Variants in PCDHGA2 observed in about 807,000 individuals in gnomAD.
PCDHGA2 encodes protocadherin gamma subfamily A, 2, also known as protocadherin gamma-A2.
In PCDHGA2, 40 loss-of-function variants were observed where a neutral mutation model predicts 59.2. That is an observed-to-expected ratio of 0.68 (90% CI 0.52 to 0.88). The LOEUF is 0.88. PCDHGA2 is among the 40% of genes least tolerant of loss of function. The probability of loss-of-function intolerance (pLI) is 0.00; values close to 1 mark genes in which losing one functional copy is unlikely to be tolerated. For missense variants in PCDHGA2, 1,226 were observed against 1,204.0 expected (o/e 1.02, Z -0.27); for synonymous variants, 560 against 526.0 (o/e 1.06, Z -0.89).
chr5:141,393,120 C>T lies in PCDHGA2; in HGVS notation c.2424+51725C>T, dbSNP rs142751758. The T allele has an allele frequency of 9.0e-3, 14,600 of 1,613,382 alleles. 101 individuals carry two copies. The highest frequency in any genetic ancestry group is 0.01 in the Non-Finnish European group (11,861 of 1,179,884). On this transcript the variant is annotated intron_variant, in intron 1 of 3. Transcript: ENST00000394576. ...GCTCTGCGCTCAGAGCCCGCGGTGT[C>T]TGATAAATATTAACACCCTGGTTGA...
intron 1 of PCDHGA2, chr5:141,423,962 C>A: frequency 1.7e-6 from 2 of 1,168,402 alleles, no homozygotes; most frequent in South Asian, 4.2e-5. Context: ...TATTATTTTT[C>A]TATTATCAGT....
chr5:141,429,389 A>ATTT (rs1561841246), intron 1 of PCDHGA2, among the ~76,000 whole-genome samples: 155 of 147,652 alleles, frequency 1.0e-3, no homozygotes, highest in African/African-American at 3.7e-3. Flanking sequence ...TTTTTTTTTA[A>ATTT]AAAAAATTGA....
chr5:141,355,212 T>C, intron 1 of PCDHGA2: 1 of 1,600,656 alleles, frequency 6.2e-7, no homozygotes. Flanking sequence ...TGGCGGCGCC[T>C]CCTGCTCGCC....
At chr5:141,499,115 C>T (rs940275925) in intron 2 of PCDHGA2, among the ~76,000 whole-genome samples, 16 of 152,124 alleles carry the variant, frequency 1.1e-4, no homozygotes, top group African/African-American at 3.9e-4. Context: ...CACCACTATC[C>T]CTTCTCAGGT....
intron 1 of PCDHGA2, among the ~76,000 whole-genome samples, chr5:141,368,405 A>T (rs1414658123): frequency 1.3e-5 from 2 of 152,154 alleles, no homozygotes; most frequent in Admixed American, 1.3e-4. Flanking sequence ...ACACACATAC[A>T]TACACACATG....
chr5:141,352,952 C>A (rs1759151457), intron 1 of PCDHGA2, among the ~76,000 whole-genome samples: 1 of 152,140 alleles, frequency 6.6e-6, no homozygotes, highest in Non-Finnish European at 1.5e-5. Flanking sequence ...TGTGCCACTG[C>A]ACTCCAGCCT....
intron 1 of PCDHGA2, chr5:141,415,362 G>A (rs769596449): frequency 4.3e-6 from 7 of 1,614,126 alleles, no homozygotes; most frequent in African/African-American, 1.3e-5. Context: ...CACGCCTGCT[G>A]CAGGCTTCAG....
intron 1 of PCDHGA2, among the ~76,000 whole-genome samples, chr5:141,483,459 G>A (rs1214951485): frequency 6.6e-6 from 1 of 152,186 alleles, no homozygotes; most frequent in Non-Finnish European, 1.5e-5. Flanking sequence ...AGGACTTGTT[G>A]ATTGACATGA....
intron 1 of PCDHGA2, chr5:141,351,944 G>C: frequency 6.2e-7 from 1 of 1,613,160 alleles, no homozygotes; most frequent in South Asian, 1.1e-5. Context: ...GCTGTACCCC[G>C]CGCTGGGGCC....
At chr5:141,360,915 T>C in intron 1 of PCDHGA2, 1 of 1,614,010 alleles carries the variant, frequency 6.2e-7, no homozygotes, top group South Asian at 1.1e-5. Flanking sequence ...CGGGCTTCTT[T>C]GTGCTTCAAG....
intron 1 of PCDHGA2, chr5:141,413,712 T>A (rs1405825615): frequency 9.9e-6 from 16 of 1,613,454 alleles, no homozygotes; most frequent in Middle Eastern, 3.3e-4. Context: ...TCAGCCCCAA[T>A]AAGCACTTCT....
rs367926929 is a variant in PCDHGA2 at position 141,372,227 on chromosome 5, C to G, written c.2424+30832C>G. 4.8e-4 allele frequency: 778 copies of G among 1,613,442 alleles called. 3 individuals are homozygous for G. The African/African-American group carries it at 9.4e-3, about 19-fold the overall frequency. On this transcript the variant is annotated intron_variant, in intron 1 of 3. Coordinates refer to ENST00000394576, the MANE Select transcript of PCDHGA2 (RefSeq NM_018915.4). ...GGCTGTCCTACCACATTGTGCAGGC[C>G]AGCGAGCCCGGGCTGTTCAGCCTGG...
chr5:141,374,885 G>C, intron 1 of PCDHGA2: 1 of 1,613,634 alleles, frequency 6.2e-7, no homozygotes, highest in Non-Finnish European at 8.5e-7. Flanking sequence ...GACTGCCACC[G>C]ACCAGGATGA....
intron 1 of PCDHGA2, among the ~76,000 whole-genome samples, chr5:141,382,170 C>T (rs1056617010): frequency 1.3e-5 from 2 of 151,888 alleles, no homozygotes; most frequent in Non-Finnish European, 2.9e-5. Context: ...GGTGTTAGAC[C>T]GTCTCTAAGG....
rs998564450 is a variant in PCDHGA2 at position 141,401,627 on chromosome 5, G to T, written c.2424+60232G>T. The stretch of plus-strand genomic sequence containing the variant: ...AAAAAGACACCGGATTTGTCTTATC[G>T]TTTGGAGCTTTAAATATAAATGACT... On this transcript the variant is annotated intron_variant, in intron 1 of 3. Coordinates refer to ENST00000394576, the MANE Select transcript of PCDHGA2 (RefSeq NM_018915.4). Among the ~76,000 whole-genome samples the T allele has an allele frequency of 2.6e-5, 4 of 152,294 alleles. No homozygotes were observed. In the South Asian group the frequency reaches 8.3e-4, roughly 32 times the overall value.
chr5:141,440,401 C>T (rs1023628115), intron 1 of PCDHGA2: 4 of 152,088 alleles, frequency 2.6e-5, no homozygotes, highest in African/African-American at 7.3e-5. Context: ...GAGAGGCAAT[C>T]GCACCACTGC....
At chr5:141,355,601 G>A (rs2149786731) in intron 1 of PCDHGA2, 2 of 1,613,936 alleles carry the variant, frequency 1.2e-6, no homozygotes, top group Non-Finnish European at 8.5e-7. Flanking sequence ...CCCAGTTTTG[G>A]GACAGAACAG....
chr5:141,492,919 C>A (rs1019663003), intron 1 of PCDHGA2, among the ~76,000 whole-genome samples: 1 of 152,192 alleles, frequency 6.6e-6, no homozygotes, highest in Non-Finnish European at 1.5e-5. Context: ...ATGTGCCCAG[C>A]GATCTAGGGT....
chr5:141,397,199 T>A (rs1317536621), intron 1 of PCDHGA2, among the ~76,000 whole-genome samples: 1 of 152,156 alleles, frequency 6.6e-6, no homozygotes, highest in Non-Finnish European at 1.5e-5. Context: ...GTAAAAGATA[T>A]GACATAAGAG....
Sources: gnomAD v4.1 joint callset for allele counts (sites outside exome capture counted in the v4.1 genomes callset) on GRCh38, gnomAD v4.1.1 for gene constraint, MANE v1.5 for transcripts, NCBI Gene and HGNC (gene_info 2026-07-23, HGNC 2026-07-21) for gene names.